PDE3B: variants seen among roughly 807,000 people sequenced by gnomAD.
PDE3B encodes the protein phosphodiesterase 3B.
Under a neutral mutation model 116.8 loss-of-function variants are expected in PDE3B, and 66 were observed. The observed-to-expected ratio is 0.56, with a 90% CI of 0.46 to 0.69. The LOEUF (loss-of-function observed/expected upper bound fraction) is 0.69. PDE3B is among the 30% of genes least tolerant of loss of function. PDE3B has a pLI of 0.00. For synonymous variants in PDE3B, 595 were observed against 533.6 expected, an observed-to-expected ratio of 1.12 and a Z score of -1.59; for missense variants, 1,384 against 1,368.1, an observed-to-expected ratio of 1.01 and a Z score of -0.18.
intron 5 of PDE3B, among the ~76,000 whole-genome samples, chr11:14,815,969 A>G (rs568314108): frequency 4.6e-5 from 7 of 151,550 alleles, no homozygotes; most frequent in Non-Finnish European, 7.4e-5. Flanking sequence ...ACACACACAC[A>G]CGCAGAGAAA....
the PDE3B span, among the ~76,000 whole-genome samples, chr11:14,882,257 A>G: frequency 6.6e-6 from 1 of 152,162 alleles, no homozygotes; most frequent in African/African-American, 2.4e-5. Flanking sequence ...AGTAGGAAAG[A>G]CAGACAAAAC....
chr11:14,706,155 C>G (rs1212188330), intron 1 of PDE3B, among the ~76,000 whole-genome samples: 1 of 151,668 alleles, frequency 6.6e-6, no homozygotes, highest in Admixed American at 6.6e-5. Context: ...CCCTCCTTCA[C>G]TCCCTTCTCT....
chr11:14,698,239 T>TA (rs869306221), intron 1 of PDE3B, among the ~76,000 whole-genome samples: 1 of 151,878 alleles, frequency 6.6e-6, no homozygotes, highest in African/African-American at 2.4e-5. Context: ...GAGCTTTTTT[T>TA]AAAAAAACGA....
intron 1 of PDE3B, among the ~76,000 whole-genome samples, chr11:14,656,144 C>T (rs1365126976): frequency 2.0e-5 from 3 of 152,092 alleles, no homozygotes; most frequent in Admixed American, 6.5e-5. Flanking sequence ...TATGAAGATG[C>T]TTAAAGTCTT....
intron 2 of PDE3B, among the ~76,000 whole-genome samples, chr11:14,786,111 A>G (rs944229095): frequency 2.0e-5 from 3 of 152,106 alleles, no homozygotes; most frequent in Admixed American, 6.6e-5. Context: ...CTGCCTCTAA[A>G]GTGAGTAAGG....
chr11:14,665,186 A>T (rs1291641774), intron 1 of PDE3B, among the ~76,000 whole-genome samples: 1 of 152,238 alleles, frequency 6.6e-6, no homozygotes, highest in Non-Finnish European at 1.5e-5. Flanking sequence ...ATCTCAATAG[A>T]TGCAGAAAAG....
chr11:14,683,568 C>G (rs1469777403), intron 1 of PDE3B, among the ~76,000 whole-genome samples: 3 of 151,264 alleles, frequency 2.0e-5, no homozygotes, highest in African/African-American at 7.3e-5. Context: ...ATCTTTTTTT[C>G]TTTATCAGTT....
intron 1 of PDE3B, among the ~76,000 whole-genome samples, chr11:14,723,938 T>G (rs900053655): frequency 2.0e-5 from 3 of 152,192 alleles, no homozygotes; most frequent in South Asian, 2.1e-4. Flanking sequence ...GAAGGTGATG[T>G]TTTATTCTAC....
intron 1 of PDE3B, among the ~76,000 whole-genome samples, chr11:14,760,823 A>G (rs1396717337): frequency 1.3e-5 from 2 of 152,198 alleles, no homozygotes; most frequent in South Asian, 2.1e-4. Context: ...TCTGTGGTAC[A>G]TGTGATATTT....
intron 1 of PDE3B, among the ~76,000 whole-genome samples, chr11:14,742,211 C>G (rs1412036412): frequency 6.6e-6 from 1 of 152,204 alleles, no homozygotes; most frequent in Non-Finnish European, 1.5e-5. Flanking sequence ...TTCTCCCTGT[C>G]ACTTTCAGGT....
At chr11:14,771,388 G>A (rs969263706) in intron 1 of PDE3B, among the ~76,000 whole-genome samples, 1 of 151,718 alleles carries the variant, frequency 6.6e-6, no homozygotes, top group Admixed American at 6.6e-5. Flanking sequence ...AGTTACCATT[G>A]ATAAGCTAGG....
downstream of PDE3B, among the ~76,000 whole-genome samples, chr11:14,874,562 A>T (rs540757843): frequency 6.6e-6 from 1 of 152,318 alleles, no homozygotes; most frequent in East Asian, 1.9e-4. Flanking sequence ...TAAATTAAAA[A>T]TTTAGCTTGT....
At chr11:14,757,394 G>A (rs1423083454) in intron 1 of PDE3B, among the ~76,000 whole-genome samples, 2 of 150,232 alleles carry the variant, frequency 1.3e-5, no homozygotes, top group Non-Finnish European at 3.0e-5. Flanking sequence ...TTCCACAATG[G>A]TTGAACTAGT....
intron 12 of PDE3B, among the ~76,000 whole-genome samples, chr11:14,850,859 T>A (rs1053423359): frequency 1.3e-5 from 2 of 152,108 alleles, no homozygotes; most frequent in African/African-American, 2.4e-5. Flanking sequence ...GACGGAGTCC[T>A]GCTCTGTCAC....
intron 1 of PDE3B, among the ~76,000 whole-genome samples, chr11:14,664,679 A>C (rs898275922): frequency 2.6e-5 from 4 of 152,222 alleles, no homozygotes; most frequent in Admixed American, 6.5e-5. Context: ...GAAAGGGATA[A>C]ATTCCTCGAC....
chr11:14,691,427 ATAT>A (rs1217815225), intron 1 of PDE3B, among the ~76,000 whole-genome samples: 2 of 152,304 alleles, frequency 1.3e-5, no homozygotes, highest in African/African-American at 4.8e-5. Context: ...CAGCTTAGAG[ATAT>A]TATCAAGTAT....
chr11:14,708,662 T>C (rs1855603481), intron 1 of PDE3B, among the ~76,000 whole-genome samples: 1 of 152,068 alleles, frequency 6.6e-6, no homozygotes, highest in African/African-American at 2.4e-5. Context: ...TCGATAACTA[T>C]AGTGTGGTTA....
intron 4 of PDE3B, among the ~76,000 whole-genome samples, chr11:14,795,520 T>C (rs1858525939): frequency 6.6e-6 from 1 of 152,190 alleles, no homozygotes. Context: ...ATTCGGGAAC[T>C]AATCTGAGAA....
chr11:14,810,902 A>T, intron 5 of PDE3B, among the ~76,000 whole-genome samples: 2 of 144,154 alleles, frequency 1.4e-5, no homozygotes, highest in East Asian at 2.0e-4. Context: ...TTTGATTTGC[A>T]TTTCTCGGAT....
Sources: allele counts gnomAD v4.1 joint callset (sites outside exome capture counted in the v4.1 genomes callset), GRCh38; gene constraint gnomAD v4.1.1; transcripts MANE v1.5; gene names NCBI Gene and HGNC (gene_info 2026-07-23, HGNC 2026-07-21).